COG5: variants seen among roughly 807,000 people sequenced by gnomAD.
The protein encoded by COG5 is component of oligomeric golgi complex 5.
COG5 carries 86 observed loss-of-function variants against 110.4 expected under a neutral mutation model. The ratio of observed to expected loss-of-function variants is 0.78; its 90% CI spans 0.65 to 0.93. The LOEUF (loss-of-function observed/expected upper bound fraction) is 0.93, where lower values mean the gene tolerates loss of function less well. COG5 is among the 40% of genes least tolerant of loss of function. COG5 has a pLI of 0.00. For missense variants in COG5, 1,077 were observed against 987.0 expected (o/e 1.09, Z -1.22); for synonymous variants, 360 against 334.6 (o/e 1.08, Z -0.83).
intron 17 of COG5, among the ~76,000 whole-genome samples, chr7:107,239,909 G>A (rs1001264928): frequency 5.9e-5 from 9 of 152,120 alleles, no homozygotes; most frequent in South Asian, 2.1e-4. Flanking sequence ...TTAAACATAC[G>A]CATAACCAAG....
intron 6 of COG5, among the ~76,000 whole-genome samples, chr7:107,456,802 T>C (rs150777546): frequency 6.6e-6 from 1 of 152,338 alleles, no homozygotes; most frequent in African/African-American, 2.4e-5. Context: ...CAAAATATTC[T>C]AGCTTGGAAT....
At chr7:107,554,131 C>A (rs1803122230) in intron 3 of COG5, among the ~76,000 whole-genome samples, 154 bp downstream of exon 3, 1 of 152,208 alleles carries the variant, frequency 6.6e-6, no homozygotes, top group Non-Finnish European at 1.5e-5. Flanking sequence ...ATATTATCTG[C>A]CTACTTTCAC....
chr7:107,238,293 G>T (rs1801353807), intron 17 of COG5, among the ~76,000 whole-genome samples: 1 of 152,138 alleles, frequency 6.6e-6, no homozygotes, highest in South Asian at 2.1e-4. Context: ...TGTTCTGTAG[G>T]TTCATCTATT....
At chr7:107,528,398 C>T (rs1412539248) in intron 5 of COG5, among the ~76,000 whole-genome samples, 1 of 152,156 alleles carries the variant, frequency 6.6e-6, no homozygotes, top group Non-Finnish European at 1.5e-5. Flanking sequence ...GATTTTTAAT[C>T]ACTAATAAAT....
chr7:107,421,847 T>C (rs1050812038), intron 6 of COG5, among the ~76,000 whole-genome samples: 2 of 152,188 alleles, frequency 1.3e-5, no homozygotes, highest in African/African-American at 4.8e-5. Context: ...AGTACATTTT[T>C]AAATAATCAA....
At chr7:107,527,498 G>A (rs1364875198) in intron 5 of COG5, 141 bp from the exon 6 acceptor site, 1 of 840,066 alleles carries the variant, frequency 1.2e-6, no homozygotes, top group Non-Finnish European at 1.9e-6. Context: ...ACCTGCACAT[G>A]TATCCCGGAA....
chr7:107,401,179 A>G (rs1791396284), intron 7 of COG5, among the ~76,000 whole-genome samples: 1 of 152,132 alleles, frequency 6.6e-6, no homozygotes, highest in South Asian at 2.1e-4. Context: ...CCAACCCATG[A>G]TTTTGGGTGT....
At chr7:107,260,599 G>C (rs1803256461) in intron 14 of COG5, among the ~76,000 whole-genome samples, 1 of 152,054 alleles carries the variant, frequency 6.6e-6, no homozygotes, top group African/African-American at 2.4e-5. Flanking sequence ...AAAAATCCCA[G>C]GATTCCAAGG....
chr7:107,474,163 T>A lies in COG5; in HGVS notation c.538+53074A>T. 7.4e-6 allele frequency: 12 copies of A among 1,611,256 alleles called. No homozygotes were observed. The highest frequency in any genetic ancestry group is 8.5e-7 in the Non-Finnish European group (1 of 1,177,666). On this transcript the variant is annotated intron_variant, in intron 6 of 21. Transcript: ENST00000297135. This position sits in a 1 kb window ranked among gnomAD's most constrained non-coding sequence, Gnocchi z 5.7. ...CAACACCAATATGTACCAACCACTA[T>A]CATATCCGTTAAGCTTTCAAGTGTC...
chr7:107,540,439 A>G (rs1416819780), intron 5 of COG5, among the ~76,000 whole-genome samples: 1 of 151,420 alleles, frequency 6.6e-6, no homozygotes, highest in Non-Finnish European at 1.5e-5. Flanking sequence ...TTAGCTGGGC[A>G]TGGTAGTGTG....
chr7:107,524,225 G>A (rs1235028755), intron 6 of COG5, among the ~76,000 whole-genome samples: 7 of 152,138 alleles, frequency 4.6e-5, no homozygotes, highest in Admixed American at 2.0e-4. Context: ...CAAAAGTCAC[G>A]ACTATCTAAT....
chr7:107,425,743 T>C (rs2129076011), intron 6 of COG5, among the ~76,000 whole-genome samples: 1 of 152,220 alleles, frequency 6.6e-6, no homozygotes, highest in Admixed American at 6.5e-5. Context: ...ATACAATAAG[T>C]CATCAGAAAT....
chr7:107,338,619 C>T (rs1810910856), intron 10 of COG5, among the ~76,000 whole-genome samples: 1 of 151,908 alleles, frequency 6.6e-6, no homozygotes. Flanking sequence ...CAAAAATAAA[C>T]AAATTACACT....
chr7:107,316,936 T>C (rs1808818420), intron 11 of COG5, among the ~76,000 whole-genome samples: 1 of 152,138 alleles, frequency 6.6e-6, no homozygotes. Context: ...AATATACTTT[T>C]AATCATTATT....
At chr7:107,244,785 T>A (rs1293157625) in intron 17 of COG5, among the ~76,000 whole-genome samples, 2 of 152,134 alleles carry the variant, frequency 1.3e-5, no homozygotes, top group Non-Finnish European at 2.9e-5. Flanking sequence ...AATAATGAGT[T>A]CCGAGTTTGA....
intron 21 of COG5, among the ~76,000 whole-genome samples, chr7:107,203,994 A>AG (rs1445082644): frequency 1.3e-5 from 2 of 152,162 alleles, no homozygotes; most frequent in African/African-American, 2.4e-5. Context: ...AGAGCTCACG[A>AG]GGGGCATCCT....
In COG5 at chr7:107,474,102, A is replaced by C; in HGVS notation, c.538+53135T>G. The stretch of plus-strand genomic sequence containing the variant: ...TTCTGGAAATCAACATGCAGTCTGA[A>C]TCTAACATTACAGTGCGAGATGACA... On this transcript the variant is annotated intron_variant, in intron 6 of 21. Transcript: ENST00000297135. This position sits in a 1 kb window ranked among gnomAD's most constrained non-coding sequence, Gnocchi z 5.7. The C allele has an allele frequency of 6.2e-7, 1 of 1,601,312 alleles. No individual in the cohort carries two copies. Among genetic ancestry groups the C allele is most frequent in the Non-Finnish European group, 8.5e-7 (1 of 1,172,608 alleles).
At position 107,211,063 on chromosome 7, in the gene COG5, G is replaced by A. The variant is rs539702507; in HGVS notation, c.2295+36C>T. 9 of 1,612,110 alleles carry A rather than the reference G, an allele frequency of 5.6e-6. No individual in the cohort carries two copies. In the East Asian group the frequency reaches 1.6e-4, roughly 28 times the overall value. On this transcript the variant is annotated intron_variant, in intron 20 of 21. Transcript: ENST00000297135. The stretch of plus-strand genomic sequence containing the variant: ...AGGATTCACACAGGTAATGGGAAGA[G>A]TCACAAAAGGGTTCTGGCTTGACTT...
intron 6 of COG5, among the ~76,000 whole-genome samples, chr7:107,486,139 TTATA>T (rs1797644032): frequency 6.6e-6 from 1 of 151,730 alleles, no homozygotes; most frequent in African/African-American, 2.4e-5. Context: ...CAAAAAAAAA[TTATA>T]ATTTAATCCC....
Sources: gnomAD v4.1 joint callset for allele counts (sites outside exome capture counted in the v4.1 genomes callset) on GRCh38, gnomAD v4.1.1 for gene constraint, Gnocchi (gnomAD v3.1) non-coding constraint, MANE v1.5 for transcripts, NCBI Gene and HGNC (gene_info 2026-07-23, HGNC 2026-07-21) for gene names.